The following AUTS2 variants were observed in gnomAD, a reference collection of about 807,000 sequenced individuals.
AUTS2 encodes autism susceptibility gene 2 protein.
In AUTS2, 17 loss-of-function variants were observed where a neutral mutation model predicts 112.4. The observed-to-expected ratio is 0.15, with a 90% CI of 0.10 to 0.23. The LOEUF (loss-of-function observed/expected upper bound fraction) is 0.23. Among genes scored for constraint, AUTS2 ranks in the 10% least tolerant of loss-of-function variants. The pLI, the probability that AUTS2 is intolerant of heterozygous loss-of-function variation, is 1.00. For synonymous variants in AUTS2, 751 were observed against 702.7 expected, an observed-to-expected ratio of 1.07 and a Z score of -1.09; for missense variants, 1,510 against 1,701.6, an observed-to-expected ratio of 0.89 and a Z score of 1.98.
chr7:70,449,578 A>G (rs1472503032), intron 5 of AUTS2, among the ~76,000 whole-genome samples: 5 of 152,190 alleles, frequency 3.3e-5, no homozygotes, highest in Non-Finnish European at 7.3e-5. Flanking sequence ...TCTTCCTGCC[A>G]TTTGGATGAG....
At chr7:70,345,848 T>A (rs1585040899) in intron 4 of AUTS2, among the ~76,000 whole-genome samples, 2 of 152,340 alleles carry the variant, frequency 1.3e-5, no homozygotes, top group Non-Finnish European at 2.9e-5. Flanking sequence ...ACTTCAAGCC[T>A]GATGATAACC....
intron 5 of AUTS2, among the ~76,000 whole-genome samples, chr7:70,449,702 G>A (rs1446610400): frequency 4.6e-5 from 7 of 152,102 alleles, no homozygotes; most frequent in Non-Finnish European, 5.9e-5. Context: ...TTACAATTAT[G>A]TATAATAATT....
Position 69,837,263 on chromosome 7 carries a change from G to A in AUTS2, c.310-62023G>A, listed in dbSNP as rs185118771. 5.0e-4 allele frequency among the ~76,000 whole-genome samples: 76 copies of A among 152,288 alleles called. 1 individual carries two copies. In the East Asian group the frequency reaches 0.015, roughly 29 times the overall value. On this transcript the variant is annotated intron_variant, in intron 1 of 18. Coordinates refer to ENST00000342771, the MANE Select transcript of AUTS2 (RefSeq NM_015570.4). Reference sequence around the variant, plus strand: ...TGGTAATTGGGAAGACATCAATAATGATGTAAGTTATCCATGTCCCTAGTC... The same window carrying A: ...TGGTAATTGGGAAGACATCAATAATAATGTAAGTTATCCATGTCCCTAGTC...
intron 2 of AUTS2, among the ~76,000 whole-genome samples, chr7:70,035,715 G>T (rs575527915): frequency 6.6e-6 from 1 of 152,036 alleles, no homozygotes; most frequent in African/African-American, 2.4e-5. Context: ...TATTCTTCCC[G>T]GTTCCAAGAT....
chr7:70,504,572 G>A (rs1476171497), intron 5 of AUTS2, among the ~76,000 whole-genome samples: 1 of 152,184 alleles, frequency 6.6e-6, no homozygotes, highest in Non-Finnish European at 1.5e-5. Flanking sequence ...CGGCACCGAG[G>A]AGCAGTAGCT....
intron 5 of AUTS2, among the ~76,000 whole-genome samples, chr7:70,474,539 C>T (rs1330047980): frequency 6.6e-6 from 1 of 152,162 alleles, no homozygotes; most frequent in African/African-American, 2.4e-5. Flanking sequence ...CTTTATTGTA[C>T]CAGTCTTCTT....
chr7:70,308,699 A>G (rs1191838240), intron 4 of AUTS2, among the ~76,000 whole-genome samples: 1 of 152,226 alleles, frequency 6.6e-6, no homozygotes, highest in East Asian at 1.9e-4. Context: ...TATGCTTTAG[A>G]ACAGTAGTTC....
chr7:70,448,314 CCAG>C (rs1796399325), intron 5 of AUTS2, among the ~76,000 whole-genome samples: 1 of 152,140 alleles, frequency 6.6e-6, no homozygotes, highest in African/African-American at 2.4e-5. Flanking sequence ...ATTCAATAAG[CCAG>C]ACATAAAGTG....
At chr7:70,400,582 C>G (rs1327223256) in intron 4 of AUTS2, among the ~76,000 whole-genome samples, 2 of 152,112 alleles carry the variant, frequency 1.3e-5, no homozygotes, top group Non-Finnish European at 2.9e-5. Context: ...GGGGGGCAGA[C>G]AAGCTGAAAA....
chr7:70,124,338 G>A (rs993184268), intron 3 of AUTS2, among the ~76,000 whole-genome samples: 3 of 152,224 alleles, frequency 2.0e-5, no homozygotes, highest in African/African-American at 7.2e-5. Context: ...TTCTTTTGCT[G>A]TGCAGAAGTG....
At chr7:70,615,207 C>T (rs553690791) in intron 5 of AUTS2, among the ~76,000 whole-genome samples, 13 of 152,202 alleles carry the variant, frequency 8.5e-5, no homozygotes, top group African/African-American at 3.1e-4. Context: ...GCACATCTGC[C>T]TTGGGTGATG....
chr7:70,597,425 G>C (rs963440491), intron 5 of AUTS2, among the ~76,000 whole-genome samples: 12 of 152,128 alleles, frequency 7.9e-5, no homozygotes, highest in African/African-American at 2.9e-4. Flanking sequence ...TGCAGCCTGG[G>C]GTTTCTGTAT....
chr7:70,750,552 C>T (rs80046540), intron 6 of AUTS2, among the ~76,000 whole-genome samples: 20,377 of 151,724 alleles, frequency 0.13, 1,485 homozygotes, highest in African/African-American at 0.19. Flanking sequence ...AGGCACACGC[C>T]ACCATGCCCG....
At chr7:69,714,236 C>CGTGTGTGT (rs1562830385) in intron 1 of AUTS2, among the ~76,000 whole-genome samples, 1 of 106,350 alleles carries the variant, frequency 9.4e-6, no homozygotes, top group African/African-American at 4.4e-5. Flanking sequence ...GCTAATTGTG[C>CGTGTGTGT]ATGTGTGTGT....
intron 4 of AUTS2, among the ~76,000 whole-genome samples, chr7:70,350,698 TTAACA>T (rs1475817053): frequency 6.6e-6 from 1 of 152,098 alleles, no homozygotes; most frequent in African/African-American, 2.4e-5. Flanking sequence ...GGGAAGCAAT[TTAACA>T]TATCTGTCAC....
At position 70,766,470 on chromosome 7, in the gene AUTS2, A is replaced by G; in HGVS notation, c.1689+136A>G. 7 of 1,173,076 alleles carry G rather than the reference A, an allele frequency of 6.0e-6. No homozygotes were observed. Among genetic ancestry groups the G allele is most frequent in the Non-Finnish European group, 8.6e-6 (7 of 816,706 alleles). 72.7% of individuals were successfully genotyped at this position (1,173,076 alleles called of 1,614,324 possible). On this transcript the variant is annotated intron_variant, in intron 9 of 18. Transcript: ENST00000342771. The surrounding 1 kb of genome is among the most constrained non-coding windows in gnomAD (Gnocchi z 4.8). ...ACGGCTGTTGGCTGGAGAGAAGGGA[A>G]TGTGTCCTAGTGCCCTGCCTCAGGC...
At chr7:70,169,881 A>T (rs1304832191) in intron 4 of AUTS2, among the ~76,000 whole-genome samples, 1 of 152,098 alleles carries the variant, frequency 6.6e-6, no homozygotes, top group African/African-American at 2.4e-5. Context: ...CAAATTCTAG[A>T]TAGTGATGCC....
At position 70,694,396 on chromosome 7, in the gene AUTS2, C is replaced by T. The variant is rs1481169147; in HGVS notation, c.691-4173C>T. The T allele has an allele frequency of 2.0e-5, 3 of 149,472 alleles. No individual in the cohort carries two copies. The highest frequency in any genetic ancestry group is 7.3e-5 in the African/African-American group (3 of 41,002). 9.3% of individuals were successfully genotyped at this position (149,472 alleles called of 1,614,324 possible). A position where few individuals can be genotyped will look rare whatever the true frequency, so the allele number is the denominator to read the frequency against. The stretch of plus-strand genomic sequence containing the variant: ...CCCGGAGCGGCTCCCTCCAGCACCG[C>T]GGCGGGCCCAGGACCAGGCAGCCCG... On this transcript the variant is annotated intron_variant, in intron 5 of 18. Coordinates refer to ENST00000342771, the MANE Select transcript of AUTS2 (RefSeq NM_015570.4). The surrounding 1 kb of genome is among the most constrained non-coding windows in gnomAD (Gnocchi z 4.1).
chr7:69,890,849 G>A (rs1255706022), intron 1 of AUTS2, among the ~76,000 whole-genome samples: 3 of 152,140 alleles, frequency 2.0e-5, no homozygotes, highest in African/African-American at 2.4e-5. Flanking sequence ...TCCCAGACGT[G>A]GTCATCCCTT....
Sources: allele counts gnomAD v4.1 joint callset (sites outside exome capture counted in the v4.1 genomes callset), GRCh38; gene constraint gnomAD v4.1.1; non-coding constraint Gnocchi (gnomAD v3.1); transcripts MANE v1.5; gene names NCBI Gene and HGNC (gene_info 2026-07-23, HGNC 2026-07-21).